Variants in PCDHGB6 observed in about 807,000 individuals in gnomAD.
PCDHGB6 encodes the protein protocadherin gamma-B6.
A neutral mutation model predicts 59.1 loss-of-function variants in PCDHGB6; 51 were observed. The observed-to-expected ratio is 0.86, with a 90% CI of 0.69 to 1.09. PCDHGB6 has a LOEUF of 1.09. Ranked by LOEUF, PCDHGB6 falls within the 50% of genes least tolerant of loss-of-function variation. The pLI is 0.00. For synonymous variants in PCDHGB6, 466 were observed against 495.1 expected (o/e 0.94, Z 0.78); for missense variants, 1,148 against 1,205.1 (o/e 0.95, Z 0.70).
At chr5:141,510,898 T>C in intron 3 of PCDHGB6, 49 bp from the exon 4 acceptor site, 1 of 1,613,278 alleles carries the variant, frequency 6.2e-7, no homozygotes, top group Non-Finnish European at 8.5e-7. Context: ...ACAGTGACTG[T>C]TGAGGACCCT....
rs772503820 is a variant in PCDHGB6 at position 141,409,849 on chromosome 5, C to A, written c.1647C>A (p.Arg549=). 1 of 1,612,106 alleles carries A rather than the reference C, an allele frequency of 6.2e-7. No individual in the cohort carries two copies. The highest frequency in any genetic ancestry group is 1.1e-5 in the South Asian group (1 of 90,976). The change falls in exon 1 of 4, where the codon CGC becomes CGA. Residue 549 remains arginine, a synonymous_variant. Coordinates refer to ENST00000520790, the MANE Select transcript of PCDHGB6 (RefSeq NM_018926.3). ...CGCTCAGCGCCAACGTGAGCCTGCG[C>A]GTGTTGGTGGGAGACCGCAATGACA... The part of the protein sequence containing the change: ...SPTLSANVSL[R]VLVGDRNDNA...
chr5:141,510,910 A>C (rs780792326), intron 3 of PCDHGB6, 37 bp from the exon 4 acceptor site: 4 of 1,613,740 alleles, frequency 2.5e-6, no homozygotes, highest in Admixed American at 3.3e-5. Flanking sequence ...GAGGACCCTA[A>C]GTTTAGCTCC....
rs545232987 is a variant in PCDHGB6 at position 141,484,750 on chromosome 5, G to GTA, written c.2419-10043_2419-10042dup. 2.3e-3 allele frequency among the ~76,000 whole-genome samples: 340 copies of GTA among 149,860 alleles called. 1 individual carries two copies. Among genetic ancestry groups the GTA allele is most frequent in the South Asian group, 1.0e-2 (47 of 4,704 alleles). On this transcript the variant is annotated intron_variant, in intron 1 of 3. Coordinates refer to ENST00000520790, the MANE Select transcript of PCDHGB6 (RefSeq NM_018926.3). ...CAGTCGGTGTGTTAGGAAAAAAAAT[G>GTA]TATATATATATATATGTTGTCTGCC...
chr5:141,445,120 AT>A (rs1287463110), intron 1 of PCDHGB6, among the ~76,000 whole-genome samples: 1 of 152,228 alleles, frequency 6.6e-6, no homozygotes, highest in African/African-American at 2.4e-5. Flanking sequence ...TGTAAATAGT[AT>A]TTTTAAAATT....
chr5:141,476,416 A>C lies in PCDHGB6; in HGVS notation c.2419-18391A>C, dbSNP rs2099391138. On this transcript the variant is annotated intron_variant, in intron 1 of 3. Coordinates refer to ENST00000520790, the MANE Select transcript of PCDHGB6 (RefSeq NM_018926.3). The surrounding 1 kb of genome is among the most constrained non-coding windows in gnomAD (Gnocchi z 7.6). ...TGGATCGAGAGGAGCTGTGTGGGACACTGCCCTCTTGCACTGTAACTCTGG... is the reference window on the plus strand; with the variant it reads ...TGGATCGAGAGGAGCTGTGTGGGACCCTGCCCTCTTGCACTGTAACTCTGG... 6.2e-7 allele frequency: 1 copy of C among 1,614,056 alleles called. No homozygotes were observed. The highest frequency in any genetic ancestry group is 8.5e-7 in the Non-Finnish European group (1 of 1,179,994).
chr5:141,417,111 G>A (rs1014827063), intron 1 of PCDHGB6: 13 of 152,012 alleles, frequency 8.6e-5, no homozygotes, highest in African/African-American at 2.7e-4. Context: ...AAGCAATACA[G>A]GACACCCTGG....
intron 2 of PCDHGB6, among the ~76,000 whole-genome samples, chr5:141,498,971 G>GGGAAGGAAGGAAGGAAGGAAGGAAGGAA (rs201769957): frequency 9.0e-6 from 1 of 110,972 alleles, no homozygotes; most frequent in Non-Finnish European, 1.8e-5. Flanking sequence ...GAGGGAGGGA[G>GGGAAGGAAGGAAGGAAGGAAGGAAGGAA]GGAAGGAAGG....
At chr5:141,439,524 A>T (rs774174912) in intron 1 of PCDHGB6, among the ~76,000 whole-genome samples, 2 of 152,114 alleles carry the variant, frequency 1.3e-5, no homozygotes, top group Admixed American at 6.5e-5. Flanking sequence ...AACTAACTCT[A>T]CAGAACGCTG....
chr5:141,421,578 T>G, intron 1 of PCDHGB6: 1 of 1,613,886 alleles, frequency 6.2e-7, no homozygotes, highest in Non-Finnish European at 8.5e-7. Flanking sequence ...CCTTGAAGAT[T>G]TACGGAGTGG....
rs754652710 is a variant in PCDHGB6 at position 141,476,367 on chromosome 5, G to A, written c.2419-18440G>A. Reference sequence around the variant, plus strand: ...TTCTTTGAGGTGAACCGGGAGACCGGAGAGATGTTTGTGAACGACCGTCTG... The same window carrying A: ...TTCTTTGAGGTGAACCGGGAGACCGAAGAGATGTTTGTGAACGACCGTCTG... On this transcript the variant is annotated intron_variant, in intron 1 of 3. Coordinates refer to ENST00000520790, the MANE Select transcript of PCDHGB6 (RefSeq NM_018926.3). The surrounding 1 kb of genome is among the most constrained non-coding windows in gnomAD (Gnocchi z 7.6). The A allele has an allele frequency of 2.5e-6, 4 of 1,614,172 alleles. No homozygotes were observed. In the South Asian group the frequency reaches 3.3e-5, roughly 13 times the overall value.
At chr5:141,427,944 A>C (rs780874108) in intron 1 of PCDHGB6, 63 of 1,586,294 alleles carry the variant, frequency 4.0e-5, no homozygotes, top group Non-Finnish European at 8.6e-6. Context: ...GGGCGACCTC[A>C]ATGACAATGT....
rs776721321 is a variant in PCDHGB6, at chr5:141,431,084, C to A, written c.2418+20464C>A. ...CAAGTGTCAATTAAATCTAGACATT[C>A]TGATGGAGGATAAAGTGAAAATATA... is the stretch of plus-strand genomic sequence containing the variant. On this transcript the variant is annotated intron_variant, in intron 1 of 3. Coordinates refer to ENST00000520790, the MANE Select transcript of PCDHGB6 (RefSeq NM_018926.3). This position sits in a 1 kb window ranked among gnomAD's most constrained non-coding sequence, Gnocchi z 4.8. The A allele has an allele frequency of 1.2e-6, 2 of 1,614,060 alleles. No homozygotes were observed. Among genetic ancestry groups the A allele is most frequent in the Non-Finnish European group, 1.7e-6 (2 of 1,180,002 alleles).
intron 1 of PCDHGB6, chr5:141,419,682 T>C (rs758536078): frequency 6.2e-7 from 1 of 1,612,950 alleles, no homozygotes; most frequent in Non-Finnish European, 8.5e-7. Flanking sequence ...TCCTACCACG[T>C]GGTGCAGGCC....
rs1035125527 is a variant in PCDHGB6, at chr5:141,485,059, C to T, written c.2419-9748C>T. The T allele has an allele frequency of 7.0e-6, 6 of 858,958 alleles. No homozygotes were observed. The highest frequency in any genetic ancestry group is 2.4e-5 in the East Asian group (1 of 40,854). 53.2% of individuals were successfully genotyped at this position (858,958 alleles called of 1,614,324 possible). A position where few individuals can be genotyped will look rare whatever the true frequency, so the allele number is the denominator to read the frequency against. ...AACCCTTGCGGCGCCGGCCGAACCG[C>T]GCCAGAGCTGGCGCGGGGAAAGGGA... On this transcript the variant is annotated intron_variant, in intron 1 of 3. Coordinates refer to ENST00000520790, the MANE Select transcript of PCDHGB6 (RefSeq NM_018926.3). This position sits in a 1 kb window ranked among gnomAD's most constrained non-coding sequence, Gnocchi z 5.7.
intron 1 of PCDHGB6, chr5:141,428,587 G>T: frequency 4.4e-6 from 1 of 226,768 alleles, no homozygotes; most frequent in Non-Finnish European, 8.9e-6. Context: ...AGTTTCTCTG[G>T]TAGCAAGCTT....
Position 141,491,665 on chromosome 5 carries a change from C to G in PCDHGB6, c.2419-3142C>G. The stretch of plus-strand genomic sequence containing the variant: ...TCTGGCGCTGGAGCCTGACGCCATC[C>G]GGTCCCGCTCTAATACGCTGCGGGA... On this transcript the variant is annotated intron_variant, in intron 1 of 3. Transcript: ENST00000520790. This position sits in a 1 kb window ranked among gnomAD's most constrained non-coding sequence, Gnocchi z 6.9. 1 of 1,613,764 alleles carries G rather than the reference C, an allele frequency of 6.2e-7. No homozygotes were observed. Among genetic ancestry groups the G allele is most frequent in the Non-Finnish European group, 8.5e-7 (1 of 1,180,000 alleles).
At chr5:141,470,139 A>AT (rs146570937) in intron 1 of PCDHGB6, among the ~76,000 whole-genome samples, 7,047 of 152,316 alleles carry the variant, frequency 0.046, 200 homozygotes, top group Middle Eastern at 0.092. Flanking sequence ...AAAAAAAAAG[A>AT]TCATAGATCA....
At chr5:141,503,814 T>C (rs539980053) in intron 2 of PCDHGB6, among the ~76,000 whole-genome samples, 2 of 152,100 alleles carry the variant, frequency 1.3e-5, no homozygotes, top group East Asian at 3.9e-4. Flanking sequence ...GAATCCCAGA[T>C]TGGGCAAAAC....
At chr5:141,492,962 C>A (rs1197532146) in intron 1 of PCDHGB6, among the ~76,000 whole-genome samples, 2 of 152,258 alleles carry the variant, frequency 1.3e-5, no homozygotes, top group African/African-American at 2.4e-5. Flanking sequence ...CTATCTGACA[C>A]TCTAACAAGT....
Sources: gnomAD v4.1 joint callset for allele counts (sites outside exome capture counted in the v4.1 genomes callset) on GRCh38, gnomAD v4.1.1 for gene constraint, Gnocchi (gnomAD v3.1) non-coding constraint, MANE v1.5 for transcripts, NCBI Gene and HGNC (gene_info 2026-07-23, HGNC 2026-07-21) for gene names.